STRN: variants seen among roughly 807,000 people sequenced by gnomAD.
The protein encoded by STRN is protein phosphatase 2 regulatory subunit B'''alpha.
In STRN, 53 loss-of-function variants were observed where a neutral mutation model predicts 96.3. The observed-to-expected ratio is 0.55, with a 90% confidence interval of 0.44 to 0.69. The LOEUF (loss-of-function observed/expected upper bound fraction) is 0.69. Among genes scored for constraint, STRN ranks in the 30% least tolerant of loss-of-function variants. STRN has a pLI of 0.00. For missense variants in STRN, 987 were observed against 963.9 expected (o/e 1.02, Z -0.32); for synonymous variants, 428 against 355.9 (o/e 1.20, Z -2.28).
chr2:36,857,754 A>G, intron 14 of STRN, 102 bp downstream of exon 14: 2 of 1,004,662 alleles, frequency 2.0e-6, no homozygotes, highest in Non-Finnish European at 1.4e-6. Context: ...AAAACTTTCA[A>G]ATTAAATTTA....
At chr2:36,895,693 C>G (rs564966721) in intron 6 of STRN, among the ~76,000 whole-genome samples, 2 of 149,472 alleles carry the variant, frequency 1.3e-5, no homozygotes, top group African/African-American at 4.9e-5. Flanking sequence ...GGGTGGATCA[C>G]GAGGTCAGGA....
At chr2:36,877,520 A>G (rs149291141) in intron 10 of STRN, among the ~76,000 whole-genome samples, 9 of 152,308 alleles carry the variant, frequency 5.9e-5, no homozygotes, top group Admixed American at 2.6e-4. Context: ...TTCATTTTCT[A>G]TAAAATCAAC....
At chr2:36,962,634 C>A (rs1453368076) in intron 1 of STRN, among the ~76,000 whole-genome samples, 1 of 151,928 alleles carries the variant, frequency 6.6e-6, no homozygotes, top group African/African-American at 2.4e-5. Context: ...TCAAGCGATT[C>A]TCCTGCCTCA....
intron 10 of STRN, among the ~76,000 whole-genome samples, chr2:36,875,473 T>C (rs1300914737): frequency 7.2e-6 from 1 of 138,064 alleles, no homozygotes; most frequent in Non-Finnish European, 1.5e-5. Context: ...ACTACTGCAT[T>C]CCATCCTGGG....
intron 10 of STRN, among the ~76,000 whole-genome samples, chr2:36,871,226 A>G (rs1558630474): frequency 6.6e-6 from 1 of 152,234 alleles, no homozygotes; most frequent in Non-Finnish European, 1.5e-5. Flanking sequence ...GGTAGTGTAC[A>G]GTAATGTCCT....
intron 1 of STRN, among the ~76,000 whole-genome samples, chr2:36,938,589 G>A (rs1481180089): frequency 6.6e-6 from 1 of 152,144 alleles, no homozygotes; most frequent in Non-Finnish European, 1.5e-5. Context: ...TTTGCTATTT[G>A]CATGTATTTT....
intron 3 of STRN, among the ~76,000 whole-genome samples, chr2:36,914,450 T>C (rs1217362296): frequency 6.6e-6 from 1 of 152,224 alleles, no homozygotes; most frequent in African/African-American, 2.4e-5. Context: ...ATAGCCTAGA[T>C]TTTTTAAAAA....
At chr2:36,885,994 T>A (rs990171124) in intron 8 of STRN, among the ~76,000 whole-genome samples, 1 of 152,144 alleles carries the variant, frequency 6.6e-6, no homozygotes, top group African/African-American at 2.4e-5. Flanking sequence ...GTTTTGTATT[T>A]CCATTTTACA....
intron 7 of STRN, among the ~76,000 whole-genome samples, chr2:36,887,799 A>C (rs1260633459): frequency 6.6e-6 from 1 of 152,182 alleles, no homozygotes; most frequent in East Asian, 1.9e-4. Context: ...ATCAATAATC[A>C]ATTGTCACTA....
chr2:36,883,975 G>A lies in STRN; in HGVS notation c.1143C>T (p.Ser381=). Residue 381 remains serine, a synonymous_variant, in exon 9 of 18, where the codon AGC becomes AGT. Coordinates refer to ENST00000263918, the MANE Select transcript of STRN (RefSeq NM_003162.4). The part of the protein sequence containing the change: ...QPSVGSPSRP[S]SSRLPEHEIN... ...TTTCATGTTCAGGAAGCCTGGAGCTGCTGGGTCTGGAAGGTGAACCCACAG... is the reference window on the plus strand; with the variant it reads ...TTTCATGTTCAGGAAGCCTGGAGCTACTGGGTCTGGAAGGTGAACCCACAG... 1.4e-6 allele frequency: 2 copies of A among 1,431,988 alleles called. No individual in the cohort carries two copies. Among genetic ancestry groups the A allele is most frequent in the Non-Finnish European group, 1.8e-6 (2 of 1,088,160 alleles). 88.7% of individuals were successfully genotyped at this position (1,431,988 alleles called of 1,614,324 possible). A position where few individuals can be genotyped will look rare whatever the true frequency, so the allele number is the denominator to read the frequency against.
intron 1 of STRN, among the ~76,000 whole-genome samples, chr2:36,950,789 A>G (rs1351148192): frequency 1.3e-5 from 2 of 152,314 alleles, no homozygotes; most frequent in East Asian, 3.9e-4. Flanking sequence ...TGCATATTTT[A>G]GCCTTTTTGT....
rs915017329 is a variant in STRN, at chr2:36,843,452, A to G, written c.*6004T>C. On this transcript the variant is annotated 3_prime_UTR_variant, in exon 18 of 18. Coordinates refer to ENST00000263918, the MANE Select transcript of STRN (RefSeq NM_003162.4). ...ATTTATATATGTGTATAAATTTTAAAAGCCATTTAAACTGAACATTTGAAA... is the reference window on the plus strand; with the variant it reads ...ATTTATATATGTGTATAAATTTTAAGAGCCATTTAAACTGAACATTTGAAA... 2.0e-5 allele frequency among the ~76,000 whole-genome samples: 3 copies of G among 152,200 alleles called. No individual in the cohort carries two copies. The highest frequency in any genetic ancestry group is 7.2e-5 in the African/African-American group (3 of 41,456).
At chr2:36,899,429 G>T in intron 6 of STRN, 94 bp downstream of exon 6, 1 of 1,176,974 alleles carries the variant, frequency 8.5e-7, no homozygotes, top group South Asian at 3.0e-5. Flanking sequence ...AAAAGCTACG[G>T]GTTAAGATTA....
chr2:36,938,992 T>C (rs1186587429), intron 1 of STRN, among the ~76,000 whole-genome samples: 1 of 152,072 alleles, frequency 6.6e-6, no homozygotes, highest in African/African-American at 2.4e-5. Context: ...ATTTGTTTGT[T>C]TGTTTGTTTT....
intron 16 of STRN, among the ~76,000 whole-genome samples, chr2:36,850,732 C>G (rs1433668560): frequency 2.6e-5 from 4 of 151,946 alleles, no homozygotes; most frequent in Non-Finnish European, 5.9e-5. Context: ...TGAACTTTTC[C>G]TGGTGTCCCT....
At chr2:36,906,753 C>A (rs546121192) in intron 3 of STRN, among the ~76,000 whole-genome samples, 30 of 151,910 alleles carry the variant, frequency 2.0e-4, no homozygotes, top group South Asian at 6.3e-4. Flanking sequence ...TGGCAAAAAA[C>A]CCCATATCTA....
rs115096537 is a variant in STRN, at chr2:36,878,098, T to A, written c.1187-71A>T. 2.2e-5 allele frequency: 35 copies of A among 1,556,632 alleles called. No individual in the cohort carries two copies. The African/African-American group carries it at 3.8e-4, about 17-fold the overall frequency. ...CAACATTTAGTCTCATTTGCTTGCA[T>A]CAAATTTCTTATAAGTGCACGTATA... On this transcript the variant is annotated intron_variant, in intron 9 of 17. Coordinates refer to ENST00000263918, the MANE Select transcript of STRN (RefSeq NM_003162.4).
chr2:36,955,975 G>A (rs1221721279), intron 1 of STRN, among the ~76,000 whole-genome samples: 1 of 152,124 alleles, frequency 6.6e-6, no homozygotes, highest in Non-Finnish European at 1.5e-5. Flanking sequence ...AAAAGCACCT[G>A]CTTTTTCACT....
At chr2:36,887,312 A>AATAAATAAATAC (rs1045128035) in intron 7 of STRN, among the ~76,000 whole-genome samples, 1 of 148,066 alleles carries the variant, frequency 6.8e-6, no homozygotes, top group Non-Finnish European at 1.5e-5. Context: ...TAAATAAATA[A>AATAAATAAATAC]ATACAAAATT....
Sources: gnomAD v4.1 joint callset for allele counts (sites outside exome capture counted in the v4.1 genomes callset) on GRCh38, gnomAD v4.1.1 for gene constraint, MANE v1.5 for transcripts, NCBI Gene and HGNC (gene_info 2026-07-23, HGNC 2026-07-21) for gene names.